The following SEMA5A variants were observed in gnomAD, a reference collection of about 807,000 sequenced individuals.
SEMA5A encodes semaphorin-5A.
SEMA5A carries 55 observed loss-of-function variants against 135.5 expected under a neutral mutation model. That is an observed-to-expected ratio of 0.41 (90% CI 0.33 to 0.51). The LOEUF (loss-of-function observed/expected upper bound fraction) is 0.51, where lower values mean the gene tolerates loss of function less well. SEMA5A is among the 20% of genes least tolerant of loss of function. SEMA5A has a pLI of 0.37. For synonymous variants in SEMA5A, 580 were observed against 546.5 expected, an observed-to-expected ratio of 1.06 and a Z score of -0.85; for missense variants, 1,290 against 1,419.9, an observed-to-expected ratio of 0.91 and a Z score of 1.47.
At chr5:9,328,548 G>T (rs1301716959) in intron 4 of SEMA5A, among the ~76,000 whole-genome samples, 1 of 152,130 alleles carries the variant, frequency 6.6e-6, no homozygotes, top group Admixed American at 6.5e-5. Flanking sequence ...AGAGGCCAAG[G>T]TGGGTGGATC....
intron 12 of SEMA5A, among the ~76,000 whole-genome samples, chr5:9,154,141 A>C (rs567557057): frequency 7.0e-6 from 1 of 142,044 alleles, no homozygotes; most frequent in East Asian, 2.1e-4. Context: ...GTGTGTGTAT[A>C]TATATATACA....
intron 4 of SEMA5A, among the ~76,000 whole-genome samples, chr5:9,334,630 G>T (rs1753300499): frequency 6.6e-6 from 1 of 152,098 alleles, no homozygotes; most frequent in African/African-American, 2.4e-5. Context: ...ATCTTTACAG[G>T]TGATAAAATC....
At chr5:9,207,904 G>C (rs370165703) in intron 8 of SEMA5A, among the ~76,000 whole-genome samples, 31 of 38,738 alleles carry the variant, frequency 8.0e-4, no homozygotes, top group African/African-American at 1.0e-3. Context: ...TAGATACATA[G>C]ATAGATAGAT....
intron 11 of SEMA5A, among the ~76,000 whole-genome samples, chr5:9,161,315 G>A (rs943177236): frequency 3.3e-5 from 5 of 152,134 alleles, no homozygotes; most frequent in African/African-American, 1.2e-4. Context: ...CTGAGGTTTA[G>A]GAGGTAGGAA....
At chr5:9,076,135 G>T (rs1276673436) in intron 16 of SEMA5A, among the ~76,000 whole-genome samples, 4 of 148,072 alleles carry the variant, frequency 2.7e-5, no homozygotes, top group Non-Finnish European at 5.9e-5. Context: ...AACCCGGGAA[G>T]CGGAGATTGC....
In SEMA5A at chr5:9,136,510, C is replaced by T. The variant is rs201206342; in HGVS notation, c.1593G>A (p.Ala531=). ...GGAGAAGGTGGGCACTCACCGGACACGCAGAGATGCTCTGTTCCCACTGCG... is the reference window on the plus strand; with the variant it reads ...GGAGAAGGTGGGCACTCACCGGACATGCAGAGATGCTCTGTTCCCACTGCG... ...SMTQWEQSIS[A]CPTRNLTVDG... The change falls in exon 13 of 23, where the codon GCG becomes GCA. Residue 531 remains alanine (A), a synonymous_variant. Transcript: ENST00000382496. The T allele has an allele frequency of 3.5e-4, 567 of 1,613,720 alleles. No homozygotes were observed. The highest frequency in any genetic ancestry group is 1.0e-3 in the African/African-American group (76 of 75,056).
At chr5:9,471,805 C>T (rs1416486705) in intron 1 of SEMA5A, among the ~76,000 whole-genome samples, 1 of 152,152 alleles carries the variant, frequency 6.6e-6, no homozygotes, top group African/African-American at 2.4e-5. Context: ...ACGATACAAG[C>T]AAACTCATTG....
chr5:9,250,285 G>T (rs1259032524), intron 5 of SEMA5A, among the ~76,000 whole-genome samples: 1 of 152,076 alleles, frequency 6.6e-6, no homozygotes, highest in Admixed American at 6.6e-5. Flanking sequence ...ATGTGTGGGT[G>T]GACAGCAGTA....
At chr5:9,353,639 T>C (rs1372434259) in intron 3 of SEMA5A, among the ~76,000 whole-genome samples, 2 of 152,148 alleles carry the variant, frequency 1.3e-5, no homozygotes, top group African/African-American at 4.8e-5. Context: ...ACTTCCACAA[T>C]ATTGCATCCC....
rs1735778852 is a variant in SEMA5A, at chr5:9,038,604, A to G, written c.*4293T>C. 6.6e-6 allele frequency: 1 copy of G among 152,194 alleles called. No homozygotes were observed. Among genetic ancestry groups the G allele is most frequent in the African/African-American group, 2.4e-5 (1 of 41,454 alleles). The allele number at this position is 152,194 out of a possible 1,614,324, so 9.4% of individuals were successfully genotyped here. On this transcript the variant is annotated 3_prime_UTR_variant, in exon 23 of 23. Transcript: ENST00000382496. ...TGCTAACAAGGCTGTGTTTAGACAAAACGATTAGCTGAGTATAGACTTGAT... is the reference window on the plus strand; with the variant it reads ...TGCTAACAAGGCTGTGTTTAGACAAGACGATTAGCTGAGTATAGACTTGAT...
rs1738315430 is a variant in SEMA5A at position 9,545,174 on chromosome 5, C to G, written c.-175+410G>C. On this transcript the variant is annotated intron_variant, in intron 1 of 22. Transcript: ENST00000382496. This position sits in a 1 kb window ranked among gnomAD's most constrained non-coding sequence, Gnocchi z 4.5. The stretch of plus-strand genomic sequence containing the variant: ...GTGGCCGCTCCCGAACCGCCAAGTC[C>G]CGACCTCCGTGTCCCCTGCCCCCGG... 6.6e-6 allele frequency among the ~76,000 whole-genome samples: 1 copy of G among 152,144 alleles called. No individual in the cohort carries two copies. Among genetic ancestry groups the G allele is most frequent in the Admixed American group, 6.5e-5 (1 of 15,292 alleles).
At chr5:9,124,960 A>G (rs1386752989) in intron 13 of SEMA5A, among the ~76,000 whole-genome samples, 1 of 152,198 alleles carries the variant, frequency 6.6e-6, no homozygotes, top group Non-Finnish European at 1.5e-5. Context: ...AACTCACAGG[A>G]AACAACTCTA....
intron 1 of SEMA5A, among the ~76,000 whole-genome samples, chr5:9,442,304 G>C (rs940551089): frequency 2.0e-5 from 3 of 152,196 alleles, no homozygotes; most frequent in African/African-American, 7.2e-5. Flanking sequence ...GGACACCAAG[G>C]CTCAGGTGAA....
intron 16 of SEMA5A, among the ~76,000 whole-genome samples, chr5:9,075,285 C>T (rs1007087936): frequency 1.3e-5 from 2 of 152,196 alleles, no homozygotes; most frequent in South Asian, 2.1e-4. Context: ...AGAAGTCAAA[C>T]GTATACATAT....
At chr5:9,064,748 CA>C (rs1737372980) in intron 17 of SEMA5A, among the ~76,000 whole-genome samples, 1 of 151,986 alleles carries the variant, frequency 6.6e-6, no homozygotes, top group Non-Finnish European at 1.5e-5. Flanking sequence ...AAGCAAAAAC[CA>C]AAAAATTTCA....
At chr5:9,379,401 G>T (rs930580199) in intron 3 of SEMA5A, among the ~76,000 whole-genome samples, 2 of 152,188 alleles carry the variant, frequency 1.3e-5, no homozygotes, top group Non-Finnish European at 2.9e-5. Context: ...CTGCTGCCAT[G>T]CAATGCTAGA....
At chr5:9,202,362 G>A (rs972456183) in intron 8 of SEMA5A, 122 bp from the exon 9 acceptor site, 3 of 952,560 alleles carry the variant, frequency 3.1e-6, no homozygotes, top group Non-Finnish European at 4.7e-6. Context: ...GGTTCCTATA[G>A]GACTATTGGG....
At chr5:9,229,302 G>A (rs1360384754) in intron 6 of SEMA5A, among the ~76,000 whole-genome samples, 1 of 152,194 alleles carries the variant, frequency 6.6e-6, no homozygotes, top group Non-Finnish European at 1.5e-5. Flanking sequence ...ACCAGAGGTG[G>A]GAGGCTTGTC....
At chr5:9,112,729 C>G (rs1740306837) in intron 15 of SEMA5A, among the ~76,000 whole-genome samples, 1 of 152,200 alleles carries the variant, frequency 6.6e-6, no homozygotes, top group Non-Finnish European at 1.5e-5. Flanking sequence ...TGATCCCCAG[C>G]TCCTAGAATT....
Sources: gnomAD v4.1 joint callset for allele counts (sites outside exome capture counted in the v4.1 genomes callset) on GRCh38, gnomAD v4.1.1 for gene constraint, Gnocchi (gnomAD v3.1) non-coding constraint, MANE v1.5 for transcripts, NCBI Gene and HGNC (gene_info 2026-07-23, HGNC 2026-07-21) for gene names.